PCDHGB3: variants seen among roughly 807,000 people sequenced by gnomAD.
PCDHGB3 encodes protocadherin gamma-B3.
PCDHGB3 carries 40 observed loss-of-function variants against 59.2 expected under a neutral mutation model. The ratio of observed to expected loss-of-function variants is 0.68; its 90% confidence interval spans 0.52 to 0.88. PCDHGB3 has a LOEUF of 0.88. Ranked by LOEUF, PCDHGB3 falls within the 40% of genes least tolerant of loss-of-function variation. The pLI, the probability that PCDHGB3 is intolerant of heterozygous loss-of-function variation, is 0.00. For missense variants in PCDHGB3, 1,309 were observed against 1,187.9 expected, an observed-to-expected ratio of 1.10 and a Z score of -1.50; for synonymous variants, 581 against 503.6, an observed-to-expected ratio of 1.15 and a Z score of -2.06.
At chr5:141,422,645 TCTCAGTGAC>T in intron 1 of PCDHGB3, 2 of 1,612,232 alleles carry the variant, frequency 1.2e-6, no homozygotes, top group Non-Finnish European at 1.7e-6. Flanking sequence ...GCCTCCATCT[TCTCAGTGAC>T]CGCCCTCGAC....
At chr5:141,378,342 G>T (rs1774822998) in intron 1 of PCDHGB3, 1 of 152,204 alleles carries the variant, frequency 6.6e-6, no homozygotes, top group African/African-American at 2.4e-5. Context: ...GACCAACATG[G>T]TGAAACCCCG....
chr5:141,467,990 A>G (rs1593103654), intron 1 of PCDHGB3, among the ~76,000 whole-genome samples: 2 of 152,052 alleles, frequency 1.3e-5, no homozygotes, highest in South Asian at 2.1e-4. Context: ...GAAAACCACA[A>G]TTCTTTCTTC....
At chr5:141,471,492 G>A (rs912591449) in intron 1 of PCDHGB3, 1 of 152,176 alleles carries the variant, frequency 6.6e-6, no homozygotes, top group Non-Finnish European at 1.5e-5. Context: ...GGAATTTAGG[G>A]AATGCAAGAG....
rs1259562533 is a variant in PCDHGB3 at position 141,482,788 on chromosome 5, G to T, written c.2416-12019G>T. 2.6e-5 allele frequency among the ~76,000 whole-genome samples: 4 copies of T among 152,184 alleles called. 1 individual carries two copies. Among genetic ancestry groups the T allele is most frequent in the Admixed American group, 2.6e-4 (4 of 15,278 alleles). ...TATCACTGAACCTTAAACTGTGTGTGTGGCCGGGTACGGTGGCTCATGCCT... is the reference window on the plus strand; with the variant it reads ...TATCACTGAACCTTAAACTGTGTGTTTGGCCGGGTACGGTGGCTCATGCCT... On this transcript the variant is annotated intron_variant, in intron 1 of 3. Transcript: ENST00000576222.
At chr5:141,405,632 G>A (rs1487962714) in intron 1 of PCDHGB3, 9 of 530,162 alleles carry the variant, frequency 1.7e-5, no homozygotes, top group African/African-American at 1.2e-4. Flanking sequence ...GTGCCACCAC[G>A]CCCGGCTAAT....
At chr5:141,384,919 G>C in intron 1 of PCDHGB3, 1 of 1,613,976 alleles carries the variant, frequency 6.2e-7, no homozygotes, top group Non-Finnish European at 8.5e-7. Context: ...AGTCTTGGCC[G>C]ACCTGGGCAG....
chr5:141,423,447 T>C (rs1347619382), intron 1 of PCDHGB3: 1 of 1,613,880 alleles, frequency 6.2e-7, no homozygotes, highest in Admixed American at 1.7e-5. Context: ...CCACGTCACA[T>C]TTTGTAGGCG....
intron 1 of PCDHGB3, chr5:141,409,628 G>A (rs367728235): frequency 1.2e-6 from 2 of 1,613,730 alleles, no homozygotes; most frequent in Non-Finnish European, 1.7e-6. Context: ...GCAAGTGAGC[G>A]CCTCTGACCC....
In PCDHGB3 at chr5:141,511,308, G is replaced by A. The variant is rs76613492; in HGVS notation, c.*135G>A. ...AGGGGCCAAGGCCATGCTCCCCTTG[G>A]GAAACAGAAACAAGTGCCCAGTCAG... is the stretch of plus-strand genomic sequence containing the variant. On this transcript the variant is annotated 3_prime_UTR_variant, in exon 4 of 4. Coordinates refer to ENST00000576222, the MANE Select transcript of PCDHGB3 (RefSeq NM_018924.5). 1.1e-3 allele frequency: 1,589 copies of A among 1,487,716 alleles called. 16 individuals carry two copies. In the African/African-American group the frequency reaches 0.021, roughly 19 times the overall value. The allele number at this position is 1,487,716 out of a possible 1,614,324, so 92.2% of individuals were successfully genotyped here.
At position 141,432,009 on chromosome 5, in the gene PCDHGB3, G is replaced by T. The variant is rs1227754190; in HGVS notation, c.2415+59200G>T. ...GTCTTGGATAGGGAACAGGTTCCTAGCTACAACATCACAGTGACCGCCACT... is the reference window on the plus strand; with the variant it reads ...GTCTTGGATAGGGAACAGGTTCCTATCTACAACATCACAGTGACCGCCACT... On this transcript the variant is annotated intron_variant, in intron 1 of 3. Transcript: ENST00000576222. The surrounding 1 kb of genome is among the most constrained non-coding windows in gnomAD (Gnocchi z 6.0). 1 of 1,614,070 alleles carries T rather than the reference G, an allele frequency of 6.2e-7. No homozygotes were observed. The highest frequency in any genetic ancestry group is 8.5e-7 in the Non-Finnish European group (1 of 1,180,032).
intron 1 of PCDHGB3, among the ~76,000 whole-genome samples, chr5:141,438,596 A>G (rs1303292978): frequency 2.8e-5 from 1 of 35,176 alleles, no homozygotes; most frequent in Non-Finnish European, 6.2e-5. Context: ...ACATACATAT[A>G]TATATATATA....
intron 1 of PCDHGB3, chr5:141,418,387 G>C (rs1172239604): frequency 1.9e-6 from 3 of 1,613,884 alleles, no homozygotes; most frequent in Non-Finnish European, 2.5e-6. Flanking sequence ...GTCCTAACGA[G>C]TATTTCTCAT....
intron 1 of PCDHGB3, chr5:141,379,708 G>T (rs1048011684): frequency 2.0e-5 from 3 of 151,950 alleles, no homozygotes; most frequent in Non-Finnish European, 2.9e-5. Flanking sequence ...AAACATCCTG[G>T]CAGTCATGGA....
intron 1 of PCDHGB3, chr5:141,427,597 T>C: frequency 1.5e-6 from 1 of 682,152 alleles, no homozygotes; most frequent in Non-Finnish European, 2.7e-6. Context: ...AGCCTCACCC[T>C]ACGCATTGGT....
chr5:141,471,394 G>A (rs1349459242), intron 1 of PCDHGB3: 1 of 152,056 alleles, frequency 6.6e-6, no homozygotes, highest in Non-Finnish European at 1.5e-5. Context: ...TACAAGTTAC[G>A]TAGCTAGGCT....
At chr5:141,400,819 C>A (rs1316119038) in intron 1 of PCDHGB3, among the ~76,000 whole-genome samples, 1 of 152,132 alleles carries the variant, frequency 6.6e-6, no homozygotes, top group African/African-American at 2.4e-5. Flanking sequence ...TTTACCTATT[C>A]GTTGTCTCAT....
chr5:141,400,559 C>T (rs2150864766), intron 1 of PCDHGB3: 2 of 1,613,274 alleles, frequency 1.2e-6, no homozygotes, highest in Non-Finnish European at 1.7e-6. Flanking sequence ...TTTTCATTAC[C>T]CACCCAATTT....
chr5:141,485,009 C>A lies in PCDHGB3; in HGVS notation c.2416-9798C>A, dbSNP rs531346426. 4 of 628,216 alleles carry A rather than the reference C, an allele frequency of 6.4e-6. No individual in the cohort carries two copies. Among genetic ancestry groups the A allele is most frequent in the African/African-American group, 3.7e-5 (2 of 54,100 alleles). 38.9% of individuals were successfully genotyped at this position (628,216 alleles called of 1,614,324 possible). On this transcript the variant is annotated intron_variant, in intron 1 of 3. Transcript: ENST00000576222. This position sits in a 1 kb window ranked among gnomAD's most constrained non-coding sequence, Gnocchi z 5.7. Reference sequence around the variant, plus strand: ...GGTGGTGAAAGGCAGACAAATCTACCCCGCCACCAGCAAAAACGGCGCGTA... The same window carrying A: ...GGTGGTGAAAGGCAGACAAATCTACACCGCCACCAGCAAAAACGGCGCGTA...
chr5:141,478,434 T>C (rs747890986), intron 1 of PCDHGB3: 2 of 1,613,700 alleles, frequency 1.2e-6, no homozygotes, highest in East Asian at 2.2e-5. Flanking sequence ...GACCCGCTGC[T>C]GAAGAAACCT....
Sources: allele counts gnomAD v4.1 joint callset (sites outside exome capture counted in the v4.1 genomes callset), GRCh38; gene constraint gnomAD v4.1.1; non-coding constraint Gnocchi (gnomAD v3.1); transcripts MANE v1.5; gene names NCBI Gene and HGNC (gene_info 2026-07-23, HGNC 2026-07-21).